Variants in USP34 observed in about 807,000 individuals in gnomAD.
The protein encoded by USP34 is ubiquitin carboxyl-terminal hydrolase 34.
USP34 carries 70 observed loss-of-function variants against 460.3 expected under a neutral mutation model. That is an observed-to-expected ratio of 0.15 (90% CI 0.13 to 0.19). The LOEUF is 0.19. USP34 is among the 10% of genes least tolerant of loss of function. The pLI, the probability that USP34 is intolerant of heterozygous loss-of-function variation, is 1.00. For synonymous variants in USP34, 1,647 were observed against 1,405.3 expected, an observed-to-expected ratio of 1.17 and a Z score of -3.85; for missense variants, 3,985 against 4,236.2, an observed-to-expected ratio of 0.94 and a Z score of 1.65.
At chr2:61,352,918 C>T (rs1449461918) in intron 10 of USP34, among the ~76,000 whole-genome samples, 1 of 152,088 alleles carries the variant, frequency 6.6e-6, no homozygotes, top group African/African-American at 2.4e-5. Context: ...ACAGAAAACG[C>T]CAGGAATCCA....
At chr2:61,463,205 C>T (rs1477673857) in intron 1 of USP34, among the ~76,000 whole-genome samples, 1 of 151,446 alleles carries the variant, frequency 6.6e-6, no homozygotes, top group Non-Finnish European at 1.5e-5. Flanking sequence ...CCGGGTACAG[C>T]ATACCCCAAC....
Position 61,362,249 on chromosome 2 carries a change from C to T in USP34, c.1251+8072G>A, listed in dbSNP as rs1001892815. Among the ~76,000 whole-genome samples the T allele has an allele frequency of 1.6e-4, 24 of 152,094 alleles. 1 individual carries two copies. The highest frequency in any genetic ancestry group is 6.5e-4 in the Admixed American group (10 of 15,272). The stretch of plus-strand genomic sequence containing the variant: ...CAGTCATTTTTGAAAGCAACATGGA[C>T]GTTCCTCAAAAAATTAAACAGAACT... On this transcript the variant is annotated intron_variant, in intron 10 of 79. Transcript: ENST00000398571.
intron 3 of USP34, among the ~76,000 whole-genome samples, chr2:61,401,490 G>A (rs919060496): frequency 6.7e-6 from 1 of 149,650 alleles, no homozygotes; most frequent in Non-Finnish European, 1.5e-5. Context: ...CTCTTGTCTT[G>A]GCTTCCAAAA....
rs186629246 is a variant in USP34, at chr2:61,201,165, C to T, written c.9508+1975G>A. Among the ~76,000 whole-genome samples, 4 of 150,546 alleles carry T rather than the reference C, an allele frequency of 2.7e-5. No homozygotes were observed. The East Asian group carries it at 7.8e-4, about 29-fold the overall frequency. ...CTCACAAATGATGGGCTACTGACTA[C>T]TATGCATGGTGGTACAGTCAAAGAA... is the stretch of plus-strand genomic sequence containing the variant. On this transcript the variant is annotated intron_variant, in intron 75 of 79. Transcript: ENST00000398571.
chr2:61,456,535 T>TGCTGGGCACAGTGGCTCACACTTG (rs1695445944), intron 1 of USP34, among the ~76,000 whole-genome samples: 1 of 152,096 alleles, frequency 6.6e-6, no homozygotes, highest in Non-Finnish European at 1.5e-5. Flanking sequence ...GGTGCAGTAG[T>TGCTGGGCACAGTGGCTCACACTTG]GCTGGGCACA....
At chr2:61,197,765 T>C (rs1176421069) in intron 75 of USP34, among the ~76,000 whole-genome samples, 1 of 151,722 alleles carries the variant, frequency 6.6e-6, no homozygotes, top group Non-Finnish European at 1.5e-5. Context: ...GCCCGCCTTC[T>C]ATTTTGGTGG....
intron 5 of USP34, among the ~76,000 whole-genome samples, chr2:61,386,658 C>A: frequency 6.8e-6 from 1 of 147,330 alleles, no homozygotes; most frequent in South Asian, 2.1e-4. Flanking sequence ...GGCGTGGTGG[C>A]AAGTGCCTGC....
intron 59 of USP34, 69 bp from the exon 60 acceptor site, chr2:61,229,064 C>G: frequency 8.2e-7 from 1 of 1,223,702 alleles, no homozygotes; most frequent in African/African-American, 1.5e-5. Flanking sequence ...AGAAAAAGTA[C>G]TTTTTAAACT....
chr2:61,398,353 T>C (rs1195903597), intron 3 of USP34, among the ~76,000 whole-genome samples: 1 of 144,916 alleles, frequency 6.9e-6, no homozygotes, highest in Non-Finnish European at 1.5e-5. Context: ...AGTGACAGAG[T>C]GAGACCTGGT....
intron 2 of USP34, among the ~76,000 whole-genome samples, chr2:61,412,170 C>G (rs1455600784): frequency 1.3e-5 from 1 of 74,896 alleles, no homozygotes; most frequent in Admixed American, 2.1e-4. Flanking sequence ...GCCTGGGCAA[C>G]AAGAGCGAAA....
In USP34 at chr2:61,350,585, T is replaced by C. The variant is rs777486730; in HGVS notation, c.1360A>G (p.Ser454Gly). 1 of 1,612,124 alleles carries C rather than the reference T, an allele frequency of 6.2e-7. No individual in the cohort carries two copies. Among genetic ancestry groups the C allele is most frequent in the East Asian group, 2.2e-5 (1 of 44,820 alleles). Reference protein sequence around the residue: ...LLNLVSALEPSVHTEQTLYLA... With the variant: ...LLNLVSALEPGVHTEQTLYLA... ...TGTATTACCTGTTCAGTATGAACAC[T>C]TGGCTCAAGAGCTGAGACCAGATTA... The change falls in exon 11 of 80, where the codon AGT becomes GGT. Residue 454 changes from serine (S) to glycine (G), a missense_variant. Around this residue, in one of 14 missense-constraint regions of USP34, gnomAD observed 716 missense variants for 626.2 expected, o/e 1.14. Coordinates refer to ENST00000398571, the MANE Select transcript of USP34 (RefSeq NM_014709.4).
At chr2:61,446,350 G>A (rs540571945) in intron 1 of USP34, among the ~76,000 whole-genome samples, 2 of 152,172 alleles carry the variant, frequency 1.3e-5, no homozygotes, top group Admixed American at 6.5e-5. Context: ...GATCCATCCT[G>A]AAATGATCTA....
At chr2:61,339,314 TGAC>T (rs773929769) in intron 18 of USP34, 34 bp downstream of exon 18, 7 of 1,589,848 alleles carry the variant, frequency 4.4e-6, no homozygotes, top group Non-Finnish European at 5.1e-6. Flanking sequence ...CCAAATACTT[TGAC>T]TACTGCATTA....
intron 1 of USP34, among the ~76,000 whole-genome samples, chr2:61,467,183 A>C (rs1484520300): frequency 6.6e-6 from 1 of 151,568 alleles, no homozygotes; most frequent in Non-Finnish European, 1.5e-5. Flanking sequence ...TGTGCCTGTA[A>C]TCCCAGCCAC....
At chr2:61,300,876 T>C in intron 29 of USP34, 75 bp downstream of exon 29, 2 of 985,982 alleles carry the variant, frequency 2.0e-6, no homozygotes, top group Non-Finnish European at 3.0e-6. Context: ...TTTTATAAAC[T>C]ATACTTTTAT....
At chr2:61,377,039 A>T (rs1186412695) in intron 8 of USP34, among the ~76,000 whole-genome samples, 2 of 152,286 alleles carry the variant, frequency 1.3e-5, no homozygotes, top group African/African-American at 4.8e-5. Context: ...TTATAAAGCA[A>T]TGAAAAATTC....
chr2:61,256,337 T>C, intron 48 of USP34, 47 bp downstream of exon 48: 2 of 1,511,804 alleles, frequency 1.3e-6, no homozygotes, highest in Non-Finnish European at 9.1e-7. Context: ...AGTTTGTCTT[T>C]CACTTCTACG....
intron 35 of USP34, among the ~76,000 whole-genome samples, chr2:61,284,285 T>A (rs1297001221): frequency 6.6e-6 from 1 of 152,202 alleles, no homozygotes; most frequent in Non-Finnish European, 1.5e-5. Flanking sequence ...ATACATAATC[T>A]GAATCTAATC....
At chr2:61,437,801 A>ATAAATAAATAAATAAG (rs1369480305) in intron 1 of USP34, among the ~76,000 whole-genome samples, 100 of 150,176 alleles carry the variant, frequency 6.7e-4, no homozygotes, top group Admixed American at 1.7e-3. Flanking sequence ...AAATAAATAA[A>ATAAATAAATAAATAAG]TAAATAAATA....
Sources: allele counts gnomAD v4.1 joint callset (sites outside exome capture counted in the v4.1 genomes callset), GRCh38; gene constraint gnomAD v4.1.1; regional missense constraint gnomAD v4.1.1; transcripts MANE v1.5; gene names NCBI Gene and HGNC (gene_info 2026-07-23, HGNC 2026-07-21).